The following PTPRN2 variants were observed in gnomAD, a reference collection of about 807,000 sequenced individuals.
PTPRN2 encodes receptor-type tyrosine-protein phosphatase N2.
In PTPRN2, 74 loss-of-function variants were observed where a neutral mutation model predicts 118.8. That is an observed-to-expected ratio of 0.62 (90% CI 0.52 to 0.76). The LOEUF (loss-of-function observed/expected upper bound fraction) is 0.76, where lower values mean the gene tolerates loss of function less well. PTPRN2 is among the 30% of genes least tolerant of loss of function. The pLI is 0.00. For missense variants in PTPRN2, 1,481 were observed against 1,394.4 expected, an observed-to-expected ratio of 1.06 and a Z score of -0.99; for synonymous variants, 641 against 608.0, an observed-to-expected ratio of 1.05 and a Z score of -0.80.
chr7:157,925,171 A>T (rs1798903022), intron 11 of PTPRN2, among the ~76,000 whole-genome samples: 1 of 139,622 alleles, frequency 7.2e-6, no homozygotes, highest in Non-Finnish European at 1.6e-5. Flanking sequence ...CAGTTATTGA[A>T]ATGTAGTCAG....
chr7:157,840,581 C>T (rs1435154780), intron 12 of PTPRN2, among the ~76,000 whole-genome samples: 1 of 152,178 alleles, frequency 6.6e-6, no homozygotes, highest in Admixed American at 6.5e-5. Flanking sequence ...CTGCAGACAA[C>T]ATCCGAGCCG....
chr7:157,662,048 G>A (rs1433605187), intron 13 of PTPRN2, among the ~76,000 whole-genome samples: 1 of 152,206 alleles, frequency 6.6e-6, no homozygotes, highest in African/African-American at 2.4e-5. Flanking sequence ...GACGTCCAGG[G>A]CAGTCATTGA....
At chr7:157,685,188 A>C (rs940380138) in intron 12 of PTPRN2, among the ~76,000 whole-genome samples, 2 of 150,434 alleles carry the variant, frequency 1.3e-5, no homozygotes, top group Non-Finnish European at 1.5e-5. Flanking sequence ...CCGCCCTCCC[A>C]CCCCTCATCC....
rs201550334 is a variant in PTPRN2 at position 158,081,384 on chromosome 7, G to A, written c.1644-7C>T. The A allele has an allele frequency of 4.7e-5, 76 of 1,613,436 alleles. No individual in the cohort carries two copies. Among genetic ancestry groups the A allele is most frequent in the Non-Finnish European group, 5.7e-5 (67 of 1,179,458 alleles). Reference sequence around the variant, plus strand: ...CACTGCTGGTCCGAGAACCCTGGAAGGGATAATTTAAAATAAGTTCATAAC... The same window carrying A: ...CACTGCTGGTCCGAGAACCCTGGAAAGGATAATTTAAAATAAGTTCATAAC... On this transcript the variant is annotated splice_region_variant and splice_polypyrimidine_tract_variant and intron_variant, in intron 10 of 22. Transcript: ENST00000389418.
intron 3 of PTPRN2, among the ~76,000 whole-genome samples, chr7:158,230,968 T>C (rs943125294): frequency 1.3e-5 from 2 of 152,116 alleles, no homozygotes; most frequent in Non-Finnish European, 2.9e-5. Context: ...CTGAAAGGAA[T>C]AGAAAAATAT....
At position 157,609,256 on chromosome 7, in the gene PTPRN2, G is replaced by A. The variant is rs903127843; in HGVS notation, c.2345-5181C>T. ...AAATTAGCCAGGCGTGGTGGTGGGCGGCTGTAATCCCAGCTACTTGGGAGG... is the reference window on the plus strand; with the variant it reads ...AAATTAGCCAGGCGTGGTGGTGGGCAGCTGTAATCCCAGCTACTTGGGAGG... On this transcript the variant is annotated intron_variant, in intron 15 of 22. Transcript: ENST00000389418. The surrounding 1 kb of genome is among the most constrained non-coding windows in gnomAD (Gnocchi z 4.9). 1.3e-5 allele frequency among the ~76,000 whole-genome samples: 2 copies of A among 152,188 alleles called. No individual in the cohort carries two copies. Among genetic ancestry groups the A allele is most frequent in the South Asian group, 4.2e-4 (2 of 4,812 alleles).
intron 3 of PTPRN2, among the ~76,000 whole-genome samples, chr7:158,294,539 G>A (rs1025313107): frequency 6.6e-6 from 1 of 152,128 alleles, no homozygotes; most frequent in African/African-American, 2.4e-5. Flanking sequence ...CGTAATTCCC[G>A]GCCCTCAGCT....
chr7:158,206,354 G>A (rs1408149402), intron 3 of PTPRN2, among the ~76,000 whole-genome samples: 1 of 152,060 alleles, frequency 6.6e-6, no homozygotes, highest in Non-Finnish European at 1.5e-5. Context: ...TGCCTTGAAG[G>A]GAAGGTCCCA....
chr7:158,536,831 C>G (rs1825677044), intron 1 of PTPRN2, among the ~76,000 whole-genome samples: 1 of 152,214 alleles, frequency 6.6e-6, no homozygotes, highest in African/African-American at 2.4e-5. Context: ...CAGGAAGACA[C>G]AAGGGCCTTC....
chr7:157,571,108 G>C (rs762536666), intron 20 of PTPRN2, among the ~76,000 whole-genome samples: 5 of 151,866 alleles, frequency 3.3e-5, no homozygotes, highest in Non-Finnish European at 5.9e-5. Context: ...TTAGCCGGGC[G>C]TGGTGGCGGG....
chr7:157,812,993 G>A (rs143504719), intron 12 of PTPRN2, among the ~76,000 whole-genome samples: 14 of 152,200 alleles, frequency 9.2e-5, no homozygotes, highest in East Asian at 7.7e-4. Context: ...AATTTCACCC[G>A]GACCACAGCC....
At chr7:158,375,641 G>C (rs1021323050) in intron 2 of PTPRN2, among the ~76,000 whole-genome samples, 1 of 152,200 alleles carries the variant, frequency 6.6e-6, no homozygotes, top group Non-Finnish European at 1.5e-5. Context: ...TCCTGTTTTT[G>C]TGCCCAAATG....
At position 157,831,001 on chromosome 7, in the gene PTPRN2, C is replaced by T. The variant is rs1807526922; in HGVS notation, c.1788+67672G>A. On this transcript the variant is annotated intron_variant, in intron 12 of 22. Transcript: ENST00000389418. The surrounding 1 kb of genome is among the most constrained non-coding windows in gnomAD (Gnocchi z 4.8). ...CCTTTGTGACTTCCATCCAGACACA[C>T]AGGTAAATGACAGAGTTGCAGGCAT... is the stretch of plus-strand genomic sequence containing the variant. 6.6e-6 allele frequency among the ~76,000 whole-genome samples: 1 copy of T among 152,200 alleles called. No individual in the cohort carries two copies. The highest frequency in any genetic ancestry group is 6.5e-5 in the Admixed American group (1 of 15,282).
In PTPRN2 at chr7:157,598,193, G is replaced by C. The variant is rs1262098899; in HGVS notation, c.2419-2878C>G. 6.6e-6 allele frequency among the ~76,000 whole-genome samples: 1 copy of C among 152,202 alleles called. No homozygotes were observed. The highest frequency in any genetic ancestry group is 1.5e-5 in the Non-Finnish European group (1 of 68,038). The stretch of plus-strand genomic sequence containing the variant: ...GGACATGGTGGGTGTGTGTCCCTCT[G>C]TCTTCCCCACCCAGCGATCACACGG... On this transcript the variant is annotated intron_variant, in intron 16 of 22. Transcript: ENST00000389418. The surrounding 1 kb of genome is among the most constrained non-coding windows in gnomAD (Gnocchi z 5.2).
intron 12 of PTPRN2, among the ~76,000 whole-genome samples, chr7:157,782,289 G>A (rs1252285958): frequency 6.6e-6 from 1 of 152,254 alleles, no homozygotes; most frequent in Non-Finnish European, 1.5e-5. Flanking sequence ...AGTCAACCAC[G>A]CTAAGTGGGT....
intron 11 of PTPRN2, among the ~76,000 whole-genome samples, chr7:157,971,086 A>T (rs1441476948): frequency 6.6e-6 from 1 of 152,180 alleles, no homozygotes; most frequent in Non-Finnish European, 1.5e-5. Flanking sequence ...CTTGTAATTC[A>T]TCTTGCTTAT....
chr7:157,855,072 G>A (rs1365308056), intron 12 of PTPRN2, among the ~76,000 whole-genome samples: 2 of 151,580 alleles, frequency 1.3e-5, no homozygotes, highest in African/African-American at 4.9e-5. Flanking sequence ...CTGGATCGGG[G>A]AGGATGGCTG....
intron 3 of PTPRN2, among the ~76,000 whole-genome samples, chr7:158,300,588 C>CTCGCCCGCCACCCAGTCCCGCAGCGCT (rs2151045035): frequency 6.6e-6 from 1 of 152,398 alleles, no homozygotes; most frequent in Admixed American, 6.5e-5. Flanking sequence ...CCCGCAGCGC[C>CTCGCCCGCCACCCAGTCCCGCAGCGCT]TCGCCCCCCA....
intron 11 of PTPRN2, among the ~76,000 whole-genome samples, chr7:158,007,314 G>A (rs1805698427): frequency 6.6e-6 from 1 of 152,190 alleles, no homozygotes; most frequent in Admixed American, 6.5e-5. Context: ...CTGGGGGTGG[G>A]CAGGAAGGGT....
Sources: allele counts gnomAD v4.1 joint callset (sites outside exome capture counted in the v4.1 genomes callset), GRCh38; gene constraint gnomAD v4.1.1; non-coding constraint Gnocchi (gnomAD v3.1); transcripts MANE v1.5; gene names NCBI Gene and HGNC (gene_info 2026-07-23, HGNC 2026-07-21).